EMCN: variants seen among roughly 807,000 people sequenced by gnomAD.
The protein encoded by EMCN is MUC-14.
A neutral mutation model predicts 38.4 loss-of-function variants in EMCN; 37 were observed. The observed-to-expected ratio is 0.96, with a 90% CI of 0.74 to 1.27. EMCN has a LOEUF of 1.27. Ranked by LOEUF, EMCN falls within the 50% of genes most tolerant of loss-of-function variation. The pLI is 0.00. For missense variants in EMCN, 318 were observed against 302.8 expected, an observed-to-expected ratio of 1.05 and a Z score of -0.37; for synonymous variants, 95 against 100.8, an observed-to-expected ratio of 0.94 and a Z score of 0.35.
intron 1 of EMCN, among the ~76,000 whole-genome samples, chr4:100,511,893 TA>T (rs1471377660): frequency 6.6e-6 from 1 of 151,966 alleles, no homozygotes; most frequent in Non-Finnish European, 1.5e-5. Context: ...GGAGCAGGAA[TA>T]TAAGAGAAAA....
intron 10 of EMCN, among the ~76,000 whole-genome samples, chr4:100,410,802 A>G (rs537184073): frequency 7.2e-5 from 11 of 152,276 alleles, no homozygotes; most frequent in Middle Eastern, 3.4e-3. Flanking sequence ...AAATGAATTT[A>G]TAGGCCAATA....
intron 11 of EMCN, among the ~76,000 whole-genome samples, chr4:100,403,605 G>A (rs930550570): frequency 2.0e-5 from 3 of 152,002 alleles, no homozygotes; most frequent in African/African-American, 4.8e-5. Context: ...TGGGACTGCT[G>A]GGTTGAATGG....
At chr4:100,478,888 G>A (rs1728731545) in intron 2 of EMCN, among the ~76,000 whole-genome samples, 1 of 152,084 alleles carries the variant, frequency 6.6e-6, no homozygotes, top group Admixed American at 6.6e-5. Context: ...GTGTATGTAT[G>A]TAACCTCAAG....
At chr4:100,413,334 G>A (rs1052854092) in intron 10 of EMCN, among the ~76,000 whole-genome samples, 8 of 151,722 alleles carry the variant, frequency 5.3e-5, no homozygotes, top group Non-Finnish European at 1.0e-4. Context: ...ATTGAGTTAA[G>A]CTTGTGAACT....
chr4:100,478,506 G>T (rs1728720073), intron 2 of EMCN, among the ~76,000 whole-genome samples: 2 of 152,138 alleles, frequency 1.3e-5, no homozygotes, highest in South Asian at 4.2e-4. Flanking sequence ...ATGAAGTCTG[G>T]GTTCCCTTCA....
chr4:100,500,877 GTACT>G (rs542577045), intron 1 of EMCN, among the ~76,000 whole-genome samples: 48 of 152,016 alleles, frequency 3.2e-4, no homozygotes, highest in African/African-American at 1.1e-3. Context: ...TAAAAGGAAA[GTACT>G]TACTTAAGTC....
chr4:100,458,203 C>G (rs1231921324), intron 4 of EMCN, among the ~76,000 whole-genome samples: 1 of 151,924 alleles, frequency 6.6e-6, no homozygotes, highest in Non-Finnish European at 1.5e-5. Context: ...TGGTGGAATG[C>G]TTTAATGAGG....
Position 100,490,345 on chromosome 4 carries a change from A to G in EMCN, c.65-10306T>C, listed in dbSNP as rs1442483342. ...AATGTCATAAGGTAAAAACATTACC[A>G]TAAGATAAGCTTAACATATTAGTAT... On this transcript the variant is annotated intron_variant, in intron 1 of 11. Transcript: ENST00000296420. Among the ~76,000 whole-genome samples, 5 of 152,232 alleles carry G rather than the reference A, an allele frequency of 3.3e-5. No individual in the cohort carries two copies. The East Asian group carries it at 9.6e-4, about 29-fold the overall frequency.
intron 4 of EMCN, among the ~76,000 whole-genome samples, chr4:100,455,172 C>G (rs553485472): frequency 2.6e-5 from 4 of 151,886 alleles, no homozygotes; most frequent in African/African-American, 7.2e-5. Flanking sequence ...TTATTTATCT[C>G]CAGTATTGAT....
At chr4:100,428,175 A>G (rs1727103003) in intron 5 of EMCN, among the ~76,000 whole-genome samples, 2 of 152,166 alleles carry the variant, frequency 1.3e-5, no homozygotes, top group Non-Finnish European at 2.9e-5. Context: ...AATAGCCCAC[A>G]AAACCCTAGG....
intron 5 of EMCN, among the ~76,000 whole-genome samples, chr4:100,427,443 C>T (rs1727080568): frequency 6.9e-6 from 1 of 144,534 alleles, no homozygotes; most frequent in African/African-American, 2.6e-5. Flanking sequence ...AGCTAATTTT[C>T]TCTCTCTCTC....
At chr4:100,468,204 A>C (rs1044899685) in intron 3 of EMCN, among the ~76,000 whole-genome samples, 2 of 152,232 alleles carry the variant, frequency 1.3e-5, no homozygotes, top group Admixed American at 6.5e-5. Context: ...GAGAAAAGAA[A>C]CCTTGATTCC....
chr4:100,407,058 G>GT (rs991610745), intron 11 of EMCN, among the ~76,000 whole-genome samples: 1 of 151,802 alleles, frequency 6.6e-6, no homozygotes, highest in Non-Finnish European at 1.5e-5. Context: ...TTTTTTGTTT[G>GT]TTTTCTATTT....
chr4:100,508,408 A>G (rs1052664740), intron 1 of EMCN, among the ~76,000 whole-genome samples: 6 of 152,140 alleles, frequency 3.9e-5, no homozygotes, highest in African/African-American at 1.4e-4. Flanking sequence ...CTTTTATGTA[A>G]TATTCTAATG....
intron 3 of EMCN, among the ~76,000 whole-genome samples, chr4:100,470,135 A>G (rs1453433302): frequency 6.6e-6 from 1 of 151,904 alleles, no homozygotes; most frequent in Admixed American, 6.6e-5. Flanking sequence ...ATTTTTGCAT[A>G]CTCTGCATCC....
chr4:100,434,554 C>T (rs1315236941), intron 5 of EMCN, among the ~76,000 whole-genome samples: 1 of 152,100 alleles, frequency 6.6e-6, no homozygotes, highest in Non-Finnish European at 1.5e-5. Context: ...ATACCAAAAC[C>T]TGGCAGAGAT....
At chr4:100,406,986 C>T (rs775611911) in intron 11 of EMCN, among the ~76,000 whole-genome samples, 31 of 151,862 alleles carry the variant, frequency 2.0e-4, no homozygotes, top group Non-Finnish European at 3.7e-4. Context: ...TTTCTTTGTC[C>T]TTTTTGATCA....
intron 5 of EMCN, among the ~76,000 whole-genome samples, chr4:100,426,225 T>G (rs1172546207): frequency 6.6e-6 from 1 of 152,136 alleles, no homozygotes; most frequent in African/African-American, 2.4e-5. Context: ...AAAGCATAAG[T>G]GACCAAATTT....
intron 5 of EMCN, among the ~76,000 whole-genome samples, chr4:100,439,849 TA>T (rs757609878): frequency 5.3e-5 from 8 of 152,086 alleles, no homozygotes; most frequent in Admixed American, 6.6e-5. Context: ...TGTCTCAAGA[TA>T]TTTTTTAATT....
Sources: allele counts gnomAD v4.1 joint callset (sites outside exome capture counted in the v4.1 genomes callset), GRCh38; gene constraint gnomAD v4.1.1; transcripts MANE v1.5; gene names NCBI Gene and HGNC (gene_info 2026-07-23, HGNC 2026-07-21).